The following PDE4B variants were observed in gnomAD, a reference collection of about 807,000 sequenced individuals.
PDE4B encodes the protein phosphodiesterase 4B, also known as 3',5'-cyclic-AMP phosphodiesterase 4B.
A neutral mutation model predicts 82.2 loss-of-function variants in PDE4B; 20 were observed. The ratio of observed to expected loss-of-function variants is 0.24; its 90% CI spans 0.17 to 0.35. The LOEUF (loss-of-function observed/expected upper bound fraction) is 0.35. Among genes scored for constraint, PDE4B ranks in the 10% least tolerant of loss-of-function variants. PDE4B has a pLI of 1.00. For missense variants in PDE4B, 655 were observed against 907.2 expected, an observed-to-expected ratio of 0.72 and a Z score of 3.57; for synonymous variants, 320 against 318.9, an observed-to-expected ratio of 1.00 and a Z score of -0.04.
intron 3 of PDE4B, among the ~76,000 whole-genome samples, chr1:66,150,580 G>C (rs1046316040): frequency 6.6e-6 from 1 of 152,168 alleles, no homozygotes; most frequent in Non-Finnish European, 1.5e-5. Context: ...ATGTTGAAAA[G>C]ATGTGGCAAG....
intron 3 of PDE4B, among the ~76,000 whole-genome samples, chr1:66,164,977 G>A (rs1646700179): frequency 6.6e-6 from 1 of 151,844 alleles, no homozygotes; most frequent in South Asian, 2.1e-4. Flanking sequence ...TAGCCAGGAT[G>A]GTCTCGATCT....
chr1:66,268,936 G>C (rs1655261556), intron 7 of PDE4B, among the ~76,000 whole-genome samples: 1 of 151,926 alleles, frequency 6.6e-6, no homozygotes, highest in South Asian at 2.1e-4. Flanking sequence ...TTGAAGACAG[G>C]GACTGTGCCT....
At chr1:66,080,044 A>G (rs537685656) in intron 3 of PDE4B, among the ~76,000 whole-genome samples, 1 of 152,284 alleles carries the variant, frequency 6.6e-6, no homozygotes, top group East Asian at 1.9e-4. Flanking sequence ...ATTTCTACAT[A>G]TCCTGAAAAA....
intron 15 of PDE4B, 78 bp downstream of exon 15, chr1:66,368,143 G>C (rs1663387489): frequency 6.7e-7 from 1 of 1,499,824 alleles, no homozygotes; most frequent in Admixed American, 1.8e-5. Context: ...AGAAAACAAA[G>C]ATAAATTCAG....
intron 3 of PDE4B, among the ~76,000 whole-genome samples, chr1:66,043,322 T>A (rs1654497839): frequency 6.6e-6 from 1 of 151,796 alleles, no homozygotes; most frequent in Non-Finnish European, 1.5e-5. Context: ...CTGTGTTGAA[T>A]CTTTGAGCAA....
At chr1:65,813,100 G>A (rs555142882) in intron 1 of PDE4B, among the ~76,000 whole-genome samples, 6 of 152,292 alleles carry the variant, frequency 3.9e-5, no homozygotes, top group Admixed American at 2.0e-4. Context: ...TCAGGAATGA[G>A]GTATTGAGGG....
At chr1:65,932,663 A>T (rs1255556280) in intron 3 of PDE4B, among the ~76,000 whole-genome samples, 1 of 152,176 alleles carries the variant, frequency 6.6e-6, no homozygotes, top group Non-Finnish European at 1.5e-5. Context: ...CTAACAGAGA[A>T]CTCAAAATAA....
chr1:66,058,965 C>A (rs548392451), intron 3 of PDE4B, among the ~76,000 whole-genome samples: 1 of 152,230 alleles, frequency 6.6e-6, no homozygotes. Flanking sequence ...CATTGTCAAG[C>A]TGCAAATTTT....
intron 3 of PDE4B, among the ~76,000 whole-genome samples, chr1:65,993,743 TC>T (rs776890927): frequency 2.6e-5 from 4 of 152,164 alleles, no homozygotes; most frequent in Non-Finnish European, 5.9e-5. Context: ...AATGCTGTTA[TC>T]TTTAAGAGCT....
intron 8 of PDE4B, among the ~76,000 whole-genome samples, chr1:66,343,414 T>C (rs944872570): frequency 3.3e-5 from 5 of 152,226 alleles, no homozygotes; most frequent in Non-Finnish European, 5.9e-5. Flanking sequence ...ATTCTGCTCC[T>C]AGGACGCCAA....
At chr1:65,950,487 T>C (rs1648937624) in intron 3 of PDE4B, among the ~76,000 whole-genome samples, 1 of 152,030 alleles carries the variant, frequency 6.6e-6, no homozygotes, top group Admixed American at 6.6e-5. Context: ...AAGTCACTTA[T>C]TGGGGATGTG....
At chr1:66,255,844 A>G (rs1654174637) in intron 4 of PDE4B, among the ~76,000 whole-genome samples, 1 of 152,114 alleles carries the variant, frequency 6.6e-6, no homozygotes, top group African/African-American at 2.4e-5. Context: ...GTATGATTTG[A>G]TATGTCAACT....
At chr1:66,092,956 T>C (rs909440753) in intron 3 of PDE4B, among the ~76,000 whole-genome samples, 1 of 152,114 alleles carries the variant, frequency 6.6e-6, no homozygotes, top group Non-Finnish European at 1.5e-5. Context: ...AGAAACAATC[T>C]AGAAAAAGTT....
At chr1:66,111,527 T>C (rs1041822337) in intron 3 of PDE4B, among the ~76,000 whole-genome samples, 1 of 152,134 alleles carries the variant, frequency 6.6e-6, no homozygotes, top group African/African-American at 2.4e-5. Flanking sequence ...TATTGTCCTT[T>C]TGTGTTTGGC....
At chr1:66,033,366 TTTC>T (rs940768884) in intron 3 of PDE4B, among the ~76,000 whole-genome samples, 34 of 152,160 alleles carry the variant, frequency 2.2e-4, no homozygotes, top group Non-Finnish European at 4.3e-4. Flanking sequence ...CCAAGCCATC[TTTC>T]TTCTTATAGA....
chr1:66,223,944 C>T (rs906494636), intron 3 of PDE4B, among the ~76,000 whole-genome samples: 3 of 152,132 alleles, frequency 2.0e-5, no homozygotes, highest in South Asian at 2.1e-4. Flanking sequence ...ATAACTTCTA[C>T]GTGCATGTAG....
At chr1:66,005,951 C>T (rs1266615933) in intron 3 of PDE4B, among the ~76,000 whole-genome samples, 5 of 152,130 alleles carry the variant, frequency 3.3e-5, no homozygotes, top group Non-Finnish European at 7.4e-5. Flanking sequence ...ACCACCCTTA[C>T]CTTATGTATT....
intron 7 of PDE4B, among the ~76,000 whole-genome samples, chr1:66,271,806 T>A (rs1016802085): frequency 6.6e-6 from 1 of 152,244 alleles, no homozygotes; most frequent in Non-Finnish European, 1.5e-5. Flanking sequence ...TATCTTGATG[T>A]TGACTTGGTT....
chr1:66,126,121 A>T (rs924344457), intron 3 of PDE4B, among the ~76,000 whole-genome samples: 1 of 152,202 alleles, frequency 6.6e-6, no homozygotes, highest in South Asian at 2.1e-4. Context: ...TGTATTGTTA[A>T]GTGATAAAAG....
Sources: gnomAD v4.1 joint callset for allele counts (sites outside exome capture counted in the v4.1 genomes callset) on GRCh38, gnomAD v4.1.1 for gene constraint, MANE v1.5 for transcripts, NCBI Gene and HGNC (gene_info 2026-07-23, HGNC 2026-07-21) for gene names.